Variants in FAM168A observed in about 807,000 individuals in gnomAD.
FAM168A encodes the protein protein FAM168A.
FAM168A carries 3 observed loss-of-function variants against 28.5 expected under a neutral mutation model. The observed-to-expected ratio is 0.11, with a 90% confidence interval of 0.05 to 0.27. The LOEUF is 0.27. FAM168A is among the 10% of genes least tolerant of loss of function. The pLI, the probability that FAM168A is intolerant of heterozygous loss-of-function variation, is 1.00. For missense variants in FAM168A, 222 were observed against 311.5 expected (o/e 0.71, Z 2.16); for synonymous variants, 122 against 124.2 (o/e 0.98, Z 0.12).
chr11:73,507,038 G>A (rs569657781), intron 1 of FAM168A, among the ~76,000 whole-genome samples: 40 of 151,896 alleles, frequency 2.6e-4, no homozygotes, highest in African/African-American at 9.0e-4. Context: ...TATACTTAAC[G>A]ACCCTTGAAA....
intron 3 of FAM168A, among the ~76,000 whole-genome samples, chr11:73,427,242 C>T (rs1443786910): frequency 2.6e-5 from 4 of 152,004 alleles, no homozygotes; most frequent in South Asian, 2.1e-4. Flanking sequence ...CCACCCGCCT[C>T]GGCCTCCCAA....
rs1466375055 is a variant in FAM168A, at chr11:73,486,479, A to G, written c.-18-17987T>C. 2.6e-5 allele frequency among the ~76,000 whole-genome samples: 4 copies of G among 152,202 alleles called. No homozygotes were observed. The South Asian group carries it at 6.2e-4, about 24-fold the overall frequency. The stretch of plus-strand genomic sequence containing the variant: ...ATATTTGTCCTTTTCTGACTGGCTT[A>G]TTTCATTTAGCATAACTTCTTCAAG... On this transcript the variant is annotated intron_variant, in intron 1 of 7. Transcript: ENST00000356467.
rs1011980787 is a variant in FAM168A, at chr11:73,405,941, G to A, written c.*822C>T. The A allele has an allele frequency of 6.5e-6, 1 of 152,714 alleles. No homozygotes were observed. Among genetic ancestry groups the A allele is most frequent in the Admixed American group, 6.5e-5 (1 of 15,286 alleles). The allele number at this position is 152,714 out of a possible 1,614,324, so 9.5% of individuals were successfully genotyped here. ...GGATCCTACCACCCTGCAGCCGCTT[G>A]GCAGGTCTAAGGACAAAATCACCTT... On this transcript the variant is annotated 3_prime_UTR_variant, in exon 8 of 8. Coordinates refer to ENST00000356467, the MANE Select transcript of FAM168A (RefSeq NM_015159.3).
At chr11:73,440,490 A>G (rs997077651) in intron 2 of FAM168A, among the ~76,000 whole-genome samples, 1 of 152,052 alleles carries the variant, frequency 6.6e-6, no homozygotes, top group Non-Finnish European at 1.5e-5. Flanking sequence ...CTCTACAAAA[A>G]GCGGTGGTGT....
intron 1 of FAM168A, among the ~76,000 whole-genome samples, chr11:73,510,090 T>G (rs1325674187): frequency 6.6e-6 from 1 of 152,124 alleles, no homozygotes; most frequent in East Asian, 1.9e-4. Context: ...CCCATGAAAA[T>G]CATACCAATC....
chr11:73,528,475 C>T (rs2134661022), intron 1 of FAM168A, among the ~76,000 whole-genome samples: 1 of 152,180 alleles, frequency 6.6e-6, no homozygotes, highest in East Asian at 1.9e-4. Context: ...TTATCACAAA[C>T]CCTTGTAGCA....
Position 73,437,400 on chromosome 11 carries a change from CTTTTTTTTTT to C in FAM168A, c.71-6640_71-6631del, listed in dbSNP as rs747204512. Among the ~76,000 whole-genome samples the C allele has an allele frequency of 4.3e-4, 45 of 103,528 alleles. 1 individual carries two copies. The highest frequency in any genetic ancestry group is 1.7e-3 in the African/African-American group (44 of 25,338). 67.9% of individuals were successfully genotyped at this position (103,528 alleles called of 152,430 possible). ...GTGTGAGCTACCACGCCCGGCCACT[CTTTTTTTTTT>C]TTTTTTTTTTTGAGACAGAGTCTCA... On this transcript the variant is annotated intron_variant, in intron 2 of 7. Transcript: ENST00000356467.
intron 1 of FAM168A, among the ~76,000 whole-genome samples, chr11:73,517,888 A>G (rs913017804): frequency 2.0e-5 from 3 of 152,086 alleles, no homozygotes; most frequent in Admixed American, 2.0e-4. Flanking sequence ...TTATGTCACA[A>G]CTCAATAGCA....
intron 1 of FAM168A, among the ~76,000 whole-genome samples, chr11:73,567,184 G>A (rs980641135): frequency 3.9e-5 from 6 of 152,166 alleles, no homozygotes; most frequent in East Asian, 1.9e-4. Flanking sequence ...GAATAGATTC[G>A]AGAAATGTTA....
intron 1 of FAM168A, among the ~76,000 whole-genome samples, chr11:73,539,760 C>T (rs1035999314): frequency 1.3e-5 from 2 of 152,196 alleles, no homozygotes; most frequent in Non-Finnish European, 2.9e-5. Context: ...AGCTAGTGCA[C>T]AAATGTTACC....
chr11:73,465,101 T>C (rs923212632), intron 2 of FAM168A, among the ~76,000 whole-genome samples: 2 of 151,594 alleles, frequency 1.3e-5, no homozygotes, highest in African/African-American at 4.9e-5. Flanking sequence ...TTTCACCGAC[T>C]ACAAACCAAC....
At chr11:73,558,516 A>G (rs75497543) in intron 1 of FAM168A, among the ~76,000 whole-genome samples, 1 of 151,224 alleles carries the variant, frequency 6.6e-6, no homozygotes, top group South Asian at 2.1e-4. Flanking sequence ...CCACTGAATA[A>G]GAAAAAATAT....
intron 1 of FAM168A, among the ~76,000 whole-genome samples, chr11:73,562,125 T>C (rs1357485107): frequency 6.6e-6 from 1 of 152,188 alleles, no homozygotes; most frequent in African/African-American, 2.4e-5. Flanking sequence ...GTATTTATAG[T>C]AGAGATAGGG....
chr11:73,456,680 T>C (rs1867538478), intron 2 of FAM168A, among the ~76,000 whole-genome samples: 1 of 152,258 alleles, frequency 6.6e-6, no homozygotes, highest in Non-Finnish European at 1.5e-5. Context: ...CCTTTGTCCA[T>C]AGGAATCCTC....
chr11:73,495,745 G>T (rs1050705160), intron 1 of FAM168A, among the ~76,000 whole-genome samples: 1 of 152,054 alleles, frequency 6.6e-6, no homozygotes, highest in African/African-American at 2.4e-5. Flanking sequence ...CCATTAAGAT[G>T]ACTATTATCA....
chr11:73,551,127 G>T (rs747202804), intron 1 of FAM168A, among the ~76,000 whole-genome samples: 1 of 148,912 alleles, frequency 6.7e-6, no homozygotes. Flanking sequence ...AAAAAAAAAA[G>T]GAGAATTTGG....
chr11:73,538,255 A>G (rs968381039), intron 1 of FAM168A, among the ~76,000 whole-genome samples: 11 of 152,260 alleles, frequency 7.2e-5, no homozygotes, highest in African/African-American at 2.2e-4. Context: ...CACTGAACAA[A>G]TTAGCAACCA....
chr11:73,469,097 AG>A (rs1170241135), intron 1 of FAM168A, among the ~76,000 whole-genome samples: 1 of 152,242 alleles, frequency 6.6e-6, no homozygotes, highest in Non-Finnish European at 1.5e-5. Context: ...AATGCAAACA[AG>A]GAAATATGGC....
At chr11:73,500,801 C>T (rs1854995442) in intron 1 of FAM168A, among the ~76,000 whole-genome samples, 1 of 152,056 alleles carries the variant, frequency 6.6e-6, no homozygotes, top group Non-Finnish European at 1.5e-5. Flanking sequence ...AATAACCAAA[C>T]AGCATCATGA....
Sources: allele counts gnomAD v4.1 joint callset (sites outside exome capture counted in the v4.1 genomes callset), GRCh38; gene constraint gnomAD v4.1.1; transcripts MANE v1.5; gene names NCBI Gene and HGNC (gene_info 2026-07-23, HGNC 2026-07-21).